Variants in SAMD12 observed in about 807,000 individuals in gnomAD.
SAMD12 encodes sterile alpha motif domain containing 12.
A neutral mutation model predicts 15.0 loss-of-function variants in SAMD12; 9 were observed. The ratio of observed to expected loss-of-function variants is 0.60; its 90% CI spans 0.36 to 1.05. SAMD12 has a LOEUF of 1.05. Among genes scored for constraint, SAMD12 ranks in the 50% least tolerant of loss-of-function variants. The probability of loss-of-function intolerance (pLI) is 0.01; values close to 1 mark genes in which losing one functional copy is unlikely to be tolerated. For missense variants in SAMD12, 230 were observed against 234.2 expected (o/e 0.98, Z 0.12); for synonymous variants, 86 against 90.1 (o/e 0.96, Z 0.25).
Position 118,542,995 on chromosome 8 carries a change from C to T in SAMD12, c.192+37720G>A, listed in dbSNP as rs549309836. Among the ~76,000 whole-genome samples, 47 of 144,472 alleles carry T rather than the reference C, an allele frequency of 3.3e-4. No individual in the cohort carries two copies. The South Asian group carries it at 5.4e-3, about 16-fold the overall frequency. 94.8% of individuals were successfully genotyped at this position (144,472 alleles called of 152,430 possible). On this transcript the variant is annotated intron_variant, in intron 2 of 3. Coordinates refer to ENST00000314727, the MANE Select transcript of SAMD12 (RefSeq NM_207506.3). ...GGAAGAAGTGAAGGAAAGAGGGAGG[C>T]GAGAAAATAAGGAAGGAAAAAGGAT...
At chr8:118,427,544 A>G (rs1366062502) in intron 3 of SAMD12, among the ~76,000 whole-genome samples, 17 of 152,222 alleles carry the variant, frequency 1.1e-4, no homozygotes, top group Admixed American at 1.1e-3. Context: ...TATGATTGGA[A>G]TCACATAATA....
intron 4 of SAMD12, among the ~76,000 whole-genome samples, chr8:118,332,213 A>G (rs1816837007): frequency 6.6e-6 from 1 of 152,244 alleles, no homozygotes; most frequent in South Asian, 2.1e-4. Flanking sequence ...ACACCAAAAT[A>G]TTAACAGTCA....
At chr8:118,541,711 T>A (rs1025999922) in intron 2 of SAMD12, among the ~76,000 whole-genome samples, 1 of 152,170 alleles carries the variant, frequency 6.6e-6, no homozygotes, top group African/African-American at 2.4e-5. Flanking sequence ...ATTAAAAAAA[T>A]TTTACATTAT....
chr8:118,256,464 A>G (rs1347799642), intron 4 of SAMD12, among the ~76,000 whole-genome samples: 1 of 152,100 alleles, frequency 6.6e-6, no homozygotes, highest in Non-Finnish European at 1.5e-5. Flanking sequence ...TTTAACCTAT[A>G]AAATATAAGA....
intron 4 of SAMD12, among the ~76,000 whole-genome samples, chr8:118,235,731 A>T (rs1812414835): frequency 6.6e-6 from 1 of 152,158 alleles, no homozygotes; most frequent in Admixed American, 6.5e-5. Flanking sequence ...AACAAGGACC[A>T]CCATGACTGG....
At chr8:118,235,031 T>C (rs764651334) in intron 4 of SAMD12, among the ~76,000 whole-genome samples, 2 of 152,124 alleles carry the variant, frequency 1.3e-5, no homozygotes, top group African/African-American at 2.4e-5. Context: ...TTTTATCCAC[T>C]TCTTGGTAAT....
chr8:118,515,579 A>G (rs1466119515), intron 2 of SAMD12, among the ~76,000 whole-genome samples: 1 of 152,158 alleles, frequency 6.6e-6, no homozygotes, highest in Non-Finnish European at 1.5e-5. Flanking sequence ...CATAAGCCCC[A>G]GAGCCTGACA....
intron 4 of SAMD12, among the ~76,000 whole-genome samples, chr8:118,369,173 C>A (rs984698286): frequency 6.6e-6 from 1 of 152,122 alleles, no homozygotes; most frequent in Non-Finnish European, 1.5e-5. Flanking sequence ...TTAGTCTGAA[C>A]AAAGTGCTAA....
At chr8:118,157,215 C>T in the SAMD12 span, among the ~76,000 whole-genome samples, 1 of 152,128 alleles carries the variant, frequency 6.6e-6, no homozygotes. Context: ...TGTAGTCTTG[C>T]CATGAAGTAC....
chr8:118,434,234 T>C (rs1186951441), intron 3 of SAMD12, among the ~76,000 whole-genome samples: 1 of 152,108 alleles, frequency 6.6e-6, no homozygotes, highest in Non-Finnish European at 1.5e-5. Flanking sequence ...AGTTGCAGCA[T>C]AAAAAAACAG....
At chr8:118,345,168 G>C (rs1817573211) in intron 4 of SAMD12, among the ~76,000 whole-genome samples, 1 of 151,966 alleles carries the variant, frequency 6.6e-6, no homozygotes, top group Admixed American at 6.6e-5. Context: ...AACATATTTT[G>C]ATATACAAAT....
the SAMD12 span, among the ~76,000 whole-genome samples, chr8:118,149,851 C>A: frequency 6.6e-6 from 1 of 152,068 alleles, no homozygotes; most frequent in Non-Finnish European, 1.5e-5. Context: ...TCAACTGAAT[C>A]ACCTTTGATC....
chr8:118,296,478 T>C (rs1219280363), intron 4 of SAMD12, among the ~76,000 whole-genome samples: 4 of 152,224 alleles, frequency 2.6e-5, no homozygotes, highest in African/African-American at 9.6e-5. Flanking sequence ...CCTATTTATT[T>C]CCAGGAATAT....
At chr8:118,189,180 A>G (rs140389341), downstream of SAMD12, among the ~76,000 whole-genome samples, 1,395 of 152,240 alleles carry the variant, frequency 9.2e-3, 19 homozygotes, top group African/African-American at 0.031. Flanking sequence ...TTCACCAGTC[A>G]TTGCAATTAT....
intron 4 of SAMD12, among the ~76,000 whole-genome samples, chr8:118,234,045 A>C (rs1327814412): frequency 6.6e-6 from 1 of 152,224 alleles, no homozygotes; most frequent in African/African-American, 2.4e-5. Context: ...GTTAAAGGAA[A>C]GATGAACTGA....
At chr8:118,258,920 C>A (rs1052686345) in intron 4 of SAMD12, among the ~76,000 whole-genome samples, 1 of 152,100 alleles carries the variant, frequency 6.6e-6, no homozygotes, top group African/African-American at 2.4e-5. Context: ...ATCTGCCAGG[C>A]CCCTGCACAC....
rs553132356 is a variant in SAMD12 at position 118,322,646 on chromosome 8, T to C, written c.433+56914A>G. On this transcript the variant is annotated intron_variant, in intron 4 of 4. Transcript: ENST00000409003. ...GACCTGAATATAAAATCCTGGGCTG[T>C]GGTATAACAGTTCACATTCACGTAG... Among the ~76,000 whole-genome samples, 54 of 152,320 alleles carry C rather than the reference T, an allele frequency of 3.5e-4. 1 individual carries two copies. The South Asian group carries it at 7.2e-3, about 20-fold the overall frequency.
At chr8:118,469,432 C>T (rs1180368441) in intron 2 of SAMD12, among the ~76,000 whole-genome samples, 3 of 121,596 alleles carry the variant, frequency 2.5e-5, no homozygotes, top group Non-Finnish European at 3.3e-5. Flanking sequence ...TTTAACCTTC[C>T]TATCTAGGGA....
At chr8:118,322,066 A>C (rs1816314343) in intron 4 of SAMD12, among the ~76,000 whole-genome samples, 1 of 152,024 alleles carries the variant, frequency 6.6e-6, no homozygotes, top group Admixed American at 6.6e-5. Context: ...TTTGGGACTC[A>C]GCTTAAAAAC....
Sources: gnomAD v4.1 joint callset for allele counts (sites outside exome capture counted in the v4.1 genomes callset) on GRCh38, gnomAD v4.1.1 for gene constraint, MANE v1.5 for transcripts, NCBI Gene and HGNC (gene_info 2026-07-23, HGNC 2026-07-21) for gene names.